Variants in GNAI3 observed in about 807,000 individuals in gnomAD.
The protein encoded by GNAI3 is guanine nucleotide-binding protein G(i) subunit alpha-3.
Under a neutral mutation model 41.8 loss-of-function variants are expected in GNAI3, and 12 were observed. The observed-to-expected ratio is 0.29, with a 90% CI of 0.18 to 0.47. The LOEUF is 0.47. Among genes scored for constraint, GNAI3 ranks in the 20% least tolerant of loss-of-function variants. The pLI, the probability that GNAI3 is intolerant of heterozygous loss-of-function variation, is 1.00. For missense variants in GNAI3, 360 were observed against 429.6 expected (o/e 0.84, Z 1.43); for synonymous variants, 132 against 146.5 (o/e 0.90, Z 0.71).
intron 1 of GNAI3, among the ~76,000 whole-genome samples, chr1:109,559,186 GAAAA>G (rs928264188): frequency 7.1e-6 from 1 of 140,244 alleles, no homozygotes; most frequent in Admixed American, 7.1e-5. Context: ...TGTCTCAAAA[GAAAA>G]AAAAAAGAAA....
chr1:109,586,484 A>T (rs1649035404), intron 6 of GNAI3, 139 bp downstream of exon 6: 16 of 886,538 alleles, frequency 1.8e-5, no homozygotes, highest in Non-Finnish European at 2.6e-5. Flanking sequence ...GTGCCCTATT[A>T]CTCTAAAAAA....
chr1:109,591,690 C>T, intron 7 of GNAI3: 1 of 391,776 alleles, frequency 2.6e-6, no homozygotes, highest in Non-Finnish European at 4.6e-6. Context: ...CACAGCCTCT[C>T]TCAGACCTTT....
At chr1:109,584,592 A>G (rs764199287) in intron 5 of GNAI3, among the ~76,000 whole-genome samples, 2 of 152,208 alleles carry the variant, frequency 1.3e-5, no homozygotes, top group African/African-American at 4.8e-5. Context: ...ATGAAGTACT[A>G]TCATTTCTTC....
chr1:109,580,333 C>G (rs1221806378), intron 4 of GNAI3, among the ~76,000 whole-genome samples: 1 of 152,030 alleles, frequency 6.6e-6, no homozygotes, highest in East Asian at 1.9e-4. Context: ...TTTTGCGGGG[C>G]CTGGTGAGCA....
chr1:109,572,599 T>C (rs541968818), intron 1 of GNAI3, among the ~76,000 whole-genome samples: 3 of 152,222 alleles, frequency 2.0e-5, no homozygotes, highest in African/African-American at 7.2e-5. Flanking sequence ...TTGGAGGCAC[T>C]GAGTATAGAT....
intron 1 of GNAI3, among the ~76,000 whole-genome samples, chr1:109,568,941 C>T (rs754197975): frequency 6.6e-6 from 1 of 152,166 alleles, no homozygotes; most frequent in Non-Finnish European, 1.5e-5. Context: ...ATCCTCCTGC[C>T]TTGGCCTCCC....
At chr1:109,574,119 A>G in intron 3 of GNAI3, 82 bp downstream of exon 3, 2 of 958,868 alleles carry the variant, frequency 2.1e-6, no homozygotes, top group South Asian at 1.7e-5. Context: ...TTCATGTTTT[A>G]GGGAAATGAA....
Position 109,586,893 on chromosome 1 carries a change from A to G in GNAI3, c.874+11A>G. 1 of 1,573,558 alleles carries G rather than the reference A, an allele frequency of 6.4e-7. No homozygotes were observed. The highest frequency in any genetic ancestry group is 8.7e-7 in the Non-Finnish European group (1 of 1,146,748). ...ATCCAGAATACACAGGTAAGGGGTT[A>G]TGAAAGATTTTATTGGAGGTACACA... On this transcript the variant is annotated intron_variant, in intron 7 of 8. Transcript: ENST00000369851.
At chr1:109,588,978 T>C (rs1016568495) in intron 7 of GNAI3, among the ~76,000 whole-genome samples, 2 of 152,224 alleles carry the variant, frequency 1.3e-5, no homozygotes, top group Non-Finnish European at 2.9e-5. Flanking sequence ...CCCAGGTTTC[T>C]GTCTTGGATG....
At position 109,576,523 on chromosome 1, in the gene GNAI3, T is replaced by G. The variant is rs544732801; in HGVS notation, c.303+2486T>G. On this transcript the variant is annotated intron_variant, in intron 3 of 8. Transcript: ENST00000369851. ...TTCTGTTTTTTTTTTTGTTGTTGTTTTTTGTTTTTTTTGAGACAGAGTTTC... is the reference window on the plus strand; with the variant it reads ...TTCTGTTTTTTTTTTTGTTGTTGTTGTTTGTTTTTTTTGAGACAGAGTTTC... Among the ~76,000 whole-genome samples the G allele has an allele frequency of 1.2e-4, 18 of 151,810 alleles. No homozygotes were observed. The South Asian group carries it at 2.1e-3, about 18-fold the overall frequency.
At chr1:109,555,971 T>TGCGTGCGCGC (rs60956139) in intron 1 of GNAI3, among the ~76,000 whole-genome samples, 1 of 127,526 alleles carries the variant, frequency 7.8e-6, no homozygotes, top group Admixed American at 7.8e-5. Flanking sequence ...TGCGTGTGTG[T>TGCGTGCGCGC]GTGTGTGTGT....
At chr1:109,551,767 A>G (rs534891191) in intron 1 of GNAI3, among the ~76,000 whole-genome samples, 5 of 152,346 alleles carry the variant, frequency 3.3e-5, no homozygotes, top group African/African-American at 9.6e-5. Flanking sequence ...TATTATGGAA[A>G]TTATACCAAA....
Position 109,553,305 on chromosome 1 carries a change from G to A in GNAI3, c.118+4467G>A, listed in dbSNP as rs141198302. On this transcript the variant is annotated intron_variant, in intron 1 of 8. Transcript: ENST00000369851. ...TGAATTATCTGCTCTCTGTATTTCT[G>A]TTTCTTGATAGTTTCCTTTAGCAGG... Among the ~76,000 whole-genome samples the A allele has an allele frequency of 3.4e-4, 52 of 151,482 alleles. No homozygotes were observed. In the East Asian group the frequency reaches 8.3e-3, roughly 24 times the overall value.
At chr1:109,579,015 A>C (rs1557909468) in intron 3 of GNAI3, among the ~76,000 whole-genome samples, 189 bp from the exon 4 acceptor site, 1 of 152,226 alleles carries the variant, frequency 6.6e-6, no homozygotes, top group Admixed American at 6.5e-5. Flanking sequence ...TTCTGGACTT[A>C]AAACTGTAGT....
chr1:109,568,625 T>C (rs1648517966), intron 1 of GNAI3, among the ~76,000 whole-genome samples: 1 of 152,194 alleles, frequency 6.6e-6, no homozygotes, highest in Admixed American at 6.5e-5. Context: ...TGTTGAATTT[T>C]TTTTTTGGTC....
intron 1 of GNAI3, among the ~76,000 whole-genome samples, chr1:109,565,113 A>T (rs1346270780): frequency 6.6e-6 from 1 of 152,086 alleles, no homozygotes; most frequent in Admixed American, 6.6e-5. Flanking sequence ...CTACAAAAAA[A>T]ATCGACCTGG....
At position 109,598,131 on chromosome 1, in the gene GNAI3, A is replaced by C. The variant is rs1649360122; in HGVS notation, c.*5809A>C. On this transcript the variant is annotated 3_prime_UTR_variant, in exon 9 of 9. Transcript: ENST00000369851. ...GTTTATCTGTCTCCTCTTATCTTTT[A>C]CCTCTCCCTACGCCCAAAATTCTCC... 1 of 152,202 alleles carries C rather than the reference A, an allele frequency of 6.6e-6. No homozygotes were observed. The highest frequency in any genetic ancestry group is 6.5e-5 in the Admixed American group (1 of 15,276). 9.4% of individuals were successfully genotyped at this position (152,202 alleles called of 1,614,324 possible).
Position 109,596,321 on chromosome 1 carries a change from C to G in GNAI3, c.*3999C>G, listed in dbSNP as rs938092546. 1 of 152,214 alleles carries G rather than the reference C, an allele frequency of 6.6e-6. No individual in the cohort carries two copies. Among genetic ancestry groups the G allele is most frequent in the African/African-American group, 2.4e-5 (1 of 41,432 alleles). The allele number at this position is 152,214 out of a possible 1,614,324, so 9.4% of individuals were successfully genotyped here. A position where few individuals can be genotyped will look rare whatever the true frequency, so the allele number is the denominator to read the frequency against. ...TAGTTCTGCTGAGAACAACATACTT[C>G]AGAACATGTCAGGATAGGGCAGTTT... is the stretch of plus-strand genomic sequence containing the variant. On this transcript the variant is annotated 3_prime_UTR_variant, in exon 9 of 9. Transcript: ENST00000369851.
chr1:109,582,046 G>A (rs1405706176), intron 4 of GNAI3, among the ~76,000 whole-genome samples: 1 of 151,992 alleles, frequency 6.6e-6, no homozygotes, highest in Non-Finnish European at 1.5e-5. Flanking sequence ...TCAGGCTGGT[G>A]TACAGTGGCA....
Sources: gnomAD v4.1 joint callset for allele counts (sites outside exome capture counted in the v4.1 genomes callset) on GRCh38, gnomAD v4.1.1 for gene constraint, MANE v1.5 for transcripts, NCBI Gene and HGNC (gene_info 2026-07-23, HGNC 2026-07-21) for gene names.